GPLD1: variants seen among roughly 807,000 people sequenced by gnomAD.
The protein encoded by GPLD1 is glycosylphosphatidylinositol specific phospholipase D1, also known as phosphatidylinositol-glycan-specific phospholipase D.
Under a neutral mutation model 112.6 loss-of-function variants are expected in GPLD1, and 84 were observed. That is an observed-to-expected ratio of 0.75 (90% CI 0.63 to 0.89). GPLD1 has a LOEUF of 0.89. Ranked by LOEUF, GPLD1 falls within the 40% of genes least tolerant of loss-of-function variation. GPLD1 has a pLI of 0.00. For missense variants in GPLD1, 1,044 were observed against 1,051.5 expected, an observed-to-expected ratio of 0.99 and a Z score of 0.10; for synonymous variants, 386 against 403.8, an observed-to-expected ratio of 0.96 and a Z score of 0.53.
chr6:24,471,467 A>G (rs1260218247), intron 7 of GPLD1, among the ~76,000 whole-genome samples: 1 of 152,204 alleles, frequency 6.6e-6, no homozygotes, highest in Non-Finnish European at 1.5e-5. Context: ...TGGCTCAAAA[A>G]AAAAGACAGA....
rs924942371 is a variant in GPLD1, at chr6:24,466,836, G to A, written c.682-17C>T. ...GGGATATAACTATGGCAGAGAGAAA[G>A]AAAAAATAAAATGAATATGGTACTA... On this transcript the variant is annotated splice_polypyrimidine_tract_variant and intron_variant, in intron 9 of 24. Coordinates refer to ENST00000230036, the MANE Select transcript of GPLD1 (RefSeq NM_001503.4). 2.5e-6 allele frequency: 4 copies of A among 1,590,146 alleles called. No individual in the cohort carries two copies. In the Admixed American group the frequency reaches 5.0e-5, roughly 20 times the overall value.
At position 24,449,853 on chromosome 6, in the gene GPLD1, A is replaced by G. The variant is rs769187349; in HGVS notation, c.1382T>C (p.Val461Ala). Residue 461 changes from valine to alanine, a missense_variant, in exon 15 of 25, where the codon GTG (valine) becomes GCG (alanine). By Grantham distance (64) the Val-to-Ala change is moderately conservative. Transcript: ENST00000230036. ...CACGGCCAGGTCAGGCACGCCGTCC[A>G]CGTTAAAGTCCAACACAGCCAAGGC... ...GSALAVLDFN[V>A]DGVPDLAVGA... 9 of 1,613,860 alleles carry G rather than the reference A, an allele frequency of 5.6e-6. No individual in the cohort carries two copies. The highest frequency in any genetic ancestry group is 3.3e-5 in the Admixed American group (2 of 59,982).
chr6:24,431,580 G>A (rs1413444995), intron 24 of GPLD1, among the ~76,000 whole-genome samples: 1 of 150,432 alleles, frequency 6.6e-6, no homozygotes, highest in Non-Finnish European at 1.5e-5. Flanking sequence ...CATCACCCAG[G>A]CTGGAGTACA....
intron 1 of GPLD1, among the ~76,000 whole-genome samples, chr6:24,486,929 A>C (rs1411109260): frequency 6.6e-6 from 1 of 152,152 alleles, no homozygotes; most frequent in East Asian, 1.9e-4. Flanking sequence ...GATCCTCAAA[A>C]GTTTTTCATC....
At chr6:24,482,981 C>T (rs959865270) in intron 2 of GPLD1, among the ~76,000 whole-genome samples, 1 of 151,956 alleles carries the variant, frequency 6.6e-6, no homozygotes, top group Admixed American at 6.6e-5. Flanking sequence ...AGAAACAAAA[C>T]AAAAATAGTA....
chr6:24,476,096 G>T, intron 4 of GPLD1, 85 bp downstream of exon 4: 1 of 738,530 alleles, frequency 1.4e-6, no homozygotes, highest in Non-Finnish European at 2.4e-6. Context: ...TTACAGAGCG[G>T]TACAAATGGG....
At chr6:24,444,178 C>T (rs1372893074) in intron 20 of GPLD1, among the ~76,000 whole-genome samples, 1 of 152,118 alleles carries the variant, frequency 6.6e-6, no homozygotes, top group Admixed American at 6.5e-5. Flanking sequence ...TCAATAATTA[C>T]TTATTCACAA....
chr6:24,445,042 T>G (rs1430070320), intron 20 of GPLD1, among the ~76,000 whole-genome samples: 1 of 152,098 alleles, frequency 6.6e-6, no homozygotes, highest in Non-Finnish European at 1.5e-5. Context: ...TTTATTTTAT[T>G]TTTGAGATGA....
intron 12 of GPLD1, among the ~76,000 whole-genome samples, chr6:24,458,598 G>C (rs1423474020): frequency 6.6e-6 from 1 of 152,166 alleles, no homozygotes; most frequent in Non-Finnish European, 1.5e-5. Context: ...AATTGTTAAA[G>C]CCGGGTGTGG....
Position 24,466,905 on chromosome 6 carries a change from C to A in GPLD1, c.681+7G>T, listed in dbSNP as rs764869474. On this transcript the variant is annotated splice_region_variant and intron_variant, in intron 9 of 24. Coordinates refer to ENST00000230036, the MANE Select transcript of GPLD1 (RefSeq NM_001503.4). The stretch of plus-strand genomic sequence containing the variant: ...TCCTTTAAGATTTGGAAGAATGACG[C>A]CTTTACCTTGGAAACAGCTAGCATC... The A allele has an allele frequency of 1.9e-6, 3 of 1,609,120 alleles. No individual in the cohort carries two copies. Among genetic ancestry groups the A allele is most frequent in the Non-Finnish European group, 2.6e-6 (3 of 1,175,518 alleles).
At chr6:24,435,836 A>AAAAAAAAAAAATAAAAAAAAAAAT (rs1427422814) in intron 22 of GPLD1, 7 of 146,528 alleles carry the variant, frequency 4.8e-5, no homozygotes, top group Non-Finnish European at 1.1e-4. Flanking sequence ...AAAAAAAAAA[A>AAAAAAAAAAAATAAAAAAAAAAAT]AAAAAAAAAA....
At chr6:24,480,468 A>C (rs1466953689) in intron 2 of GPLD1, among the ~76,000 whole-genome samples, 1 of 151,770 alleles carries the variant, frequency 6.6e-6, no homozygotes, top group Non-Finnish European at 1.5e-5. Context: ...GATTACAGGC[A>C]TGAGCCACCA....
At chr6:24,441,115 C>G (rs1762732419) in intron 20 of GPLD1, among the ~76,000 whole-genome samples, 1 of 150,262 alleles carries the variant, frequency 6.7e-6, no homozygotes, top group Non-Finnish European at 1.5e-5. Flanking sequence ...CCAGCCTGGC[C>G]AACATGGTGA....
At position 24,429,067 on chromosome 6, in the gene GPLD1, C is replaced by T. The variant is rs755235873; in HGVS notation, c.2488G>A (p.Gly830Arg). 6 of 1,613,554 alleles carry T rather than the reference C, an allele frequency of 3.7e-6. No homozygotes were observed. In the South Asian group the frequency reaches 4.4e-5, roughly 12 times the overall value. Residue 830 changes from glycine to arginine, a missense_variant, in exon 25 of 25, where the codon GGG becomes AGG. Coordinates refer to ENST00000230036, the MANE Select transcript of GPLD1 (RefSeq NM_001503.4). ...CCAAGGCTATAGACGTGAAGTGCCC[C>T]GGAGAGTCGGGCTCCCAAAGAACTC... ...GRSSLGARLS[G>R]ALHVYSLGSD
At chr6:24,449,526 G>C (rs1247742122) in intron 15 of GPLD1, among the ~76,000 whole-genome samples, 1 of 152,052 alleles carries the variant, frequency 6.6e-6, no homozygotes, top group African/African-American at 2.4e-5. Flanking sequence ...CATGGTGGGG[G>C]ATGAAAAAAA....
upstream of GPLD1, chr6:24,489,730 T>TG (rs1764503954): frequency 1.5e-6 from 1 of 657,372 alleles, no homozygotes. Context: ...TCTGTGCTCC[T>TG]GGGGGGTGGG....
chr6:24,440,050 AAAAC>A (rs779533396), intron 20 of GPLD1, among the ~76,000 whole-genome samples: 2 of 152,146 alleles, frequency 1.3e-5, no homozygotes, highest in Non-Finnish European at 2.9e-5. Flanking sequence ...GAGGGAGCAG[AAAAC>A]AAAAGAGCTA....
chr6:24,464,261 C>CTG lies in GPLD1; in HGVS notation c.822-1468_822-1467dup. Among the ~76,000 whole-genome samples, 4 of 152,252 alleles carry CTG rather than the reference C, an allele frequency of 2.6e-5. No homozygotes were observed. The Middle Eastern group carries it at 0.01, about 388-fold the overall frequency. On this transcript the variant is annotated intron_variant, in intron 10 of 24. Coordinates refer to ENST00000230036, the MANE Select transcript of GPLD1 (RefSeq NM_001503.4). Reference sequence around the variant, plus strand: ...AAATCCTATGGTAAAAATAGTATTGCTGTCCCAATTTTATAGGTGAGGAAA... The same window carrying CTG: ...AAATCCTATGGTAAAAATAGTATTGCTGTGTCCCAATTTTATAGGTGAGGAAA...
At chr6:24,447,817 A>G (rs548656100) in intron 17 of GPLD1, 60 bp downstream of exon 17, 29 of 1,507,586 alleles carry the variant, frequency 1.9e-5, no homozygotes, top group African/African-American at 1.4e-4. Context: ...CCTATGCAGG[A>G]TAAGTTGTCG....
Sources: allele counts gnomAD v4.1 joint callset (sites outside exome capture counted in the v4.1 genomes callset), GRCh38; gene constraint gnomAD v4.1.1; transcripts MANE v1.5; gene names NCBI Gene and HGNC (gene_info 2026-07-23, HGNC 2026-07-21).